The following KAZN variants were observed in gnomAD, a reference collection of about 807,000 sequenced individuals.
KAZN encodes the protein kazrin, periplakin interacting protein.
Under a neutral mutation model 87.4 loss-of-function variants are expected in KAZN, and 40 were observed. The ratio of observed to expected loss-of-function variants is 0.46; its 90% CI spans 0.36 to 0.60. The LOEUF (loss-of-function observed/expected upper bound fraction) is 0.60, where lower values mean the gene tolerates loss of function less well. KAZN is among the 20% of genes least tolerant of loss of function. The pLI is 0.00. For missense variants in KAZN, 898 were observed against 1,073.9 expected (o/e 0.84, Z 2.29); for synonymous variants, 466 against 458.3 (o/e 1.02, Z -0.22).
intron 2 of KAZN, among the ~76,000 whole-genome samples, chr1:14,593,373 A>G (rs1309242851): frequency 2.6e-5 from 4 of 152,246 alleles, no homozygotes; most frequent in African/African-American, 9.6e-5. Context: ...AGAATGGGAT[A>G]TAAACCCTGC....
chr1:14,648,593 T>C (rs1680984153), intron 1 of KAZN, among the ~76,000 whole-genome samples: 1 of 152,162 alleles, frequency 6.6e-6, no homozygotes, highest in Admixed American at 6.5e-5. Flanking sequence ...GCTTGACGTT[T>C]CTCCTTGGAG....
intron 1 of KAZN, among the ~76,000 whole-genome samples, chr1:13,997,352 G>A (rs1639572699): frequency 6.6e-6 from 1 of 152,104 alleles, no homozygotes. Context: ...CAGCAAGGGT[G>A]CAGAATGGGA....
intron 1 of KAZN, among the ~76,000 whole-genome samples, chr1:14,167,195 G>A (rs1446517187): frequency 6.6e-6 from 1 of 152,226 alleles, no homozygotes; most frequent in Non-Finnish European, 1.5e-5. Context: ...TATCGTCAAG[G>A]TCAGGGGACA....
chr1:14,828,850 A>T (rs1430210860), intron 1 of KAZN, among the ~76,000 whole-genome samples: 2 of 152,180 alleles, frequency 1.3e-5, no homozygotes, highest in African/African-American at 2.4e-5. Context: ...ATGGCTGCAG[A>T]TGCTCCAAGC....
In KAZN at chr1:14,276,682, G is replaced by C. The variant is rs575793417; in HGVS notation, c.249+96090G>C. Among the ~76,000 whole-genome samples, 3 of 152,246 alleles carry C rather than the reference G, an allele frequency of 2.0e-5. No homozygotes were observed. In the East Asian group the frequency reaches 5.8e-4, roughly 29 times the overall value. ...TAAATCTCTTTCTATAAAAACACCA[G>C]TCATCCAGTAGGATCACAGCTCACC... On this transcript the variant is annotated intron_variant, in intron 2 of 16. Transcript: ENST00000636203.
intron 1 of KAZN, among the ~76,000 whole-genome samples, chr1:14,748,602 G>A (rs1466033304): frequency 6.6e-6 from 1 of 152,212 alleles, no homozygotes; most frequent in Non-Finnish European, 1.5e-5. Context: ...ACAGTCACTG[G>A]CAAACAGCAA....
At chr1:14,969,786 T>G (rs4575078) in intron 2 of KAZN, among the ~76,000 whole-genome samples, 53,463 of 152,104 alleles carry the variant, frequency 0.35, 10,305 homozygotes, top group African/African-American at 0.52. Flanking sequence ...ACCCATGCCC[T>G]AATGCACAAG....
intron 1 of KAZN, among the ~76,000 whole-genome samples, chr1:14,683,212 C>T (rs999931117): frequency 2.6e-5 from 4 of 152,066 alleles, no homozygotes; most frequent in African/African-American, 9.7e-5. Flanking sequence ...TAAAAACAGG[C>T]GGAGTTAATT....
At chr1:14,168,337 G>A (rs1351039323) in intron 1 of KAZN, among the ~76,000 whole-genome samples, 1 of 152,234 alleles carries the variant, frequency 6.6e-6, no homozygotes, top group Non-Finnish European at 1.5e-5. Context: ...ACAAGGCATG[G>A]TTAGATCCCA....
chr1:14,922,512 G>A (rs1658634957), intron 1 of KAZN, among the ~76,000 whole-genome samples: 1 of 152,140 alleles, frequency 6.6e-6, no homozygotes, highest in Non-Finnish European at 1.5e-5. Flanking sequence ...CACTTCCCAT[G>A]CCACTCTGCC....
At chr1:14,845,352 G>A (rs1277036280) in intron 1 of KAZN, among the ~76,000 whole-genome samples, 1 of 150,076 alleles carries the variant, frequency 6.7e-6, no homozygotes, top group Non-Finnish European at 1.5e-5. Context: ...TAGGTGAAGG[G>A]ATGGATGAGT....
chr1:14,359,328 T>C (rs1312254047), intron 2 of KAZN, among the ~76,000 whole-genome samples: 1 of 152,146 alleles, frequency 6.6e-6, no homozygotes, highest in Non-Finnish European at 1.5e-5. Context: ...CCTATGTGTG[T>C]CTTTGCACAT....
At chr1:14,258,893 A>G (rs1223254929) in intron 2 of KAZN, among the ~76,000 whole-genome samples, 2 of 152,220 alleles carry the variant, frequency 1.3e-5, no homozygotes, top group Non-Finnish European at 2.9e-5. Flanking sequence ...TAAATGGTCA[A>G]CACACGTTTA....
chr1:14,137,973 T>A (rs575591995), intron 1 of KAZN, among the ~76,000 whole-genome samples: 1 of 152,302 alleles, frequency 6.6e-6, no homozygotes, highest in Non-Finnish European at 1.5e-5. Flanking sequence ...GTAATTCTCT[T>A]TTAAAGCTTT....
intron 2 of KAZN, among the ~76,000 whole-genome samples, chr1:15,014,127 C>T (rs886561683): frequency 3.3e-5 from 5 of 152,036 alleles, no homozygotes; most frequent in African/African-American, 1.2e-4. Flanking sequence ...GAAATTCTGC[C>T]CTTGGTCCTT....
At position 14,583,729 on chromosome 1, in the gene KAZN, G is replaced by T. The variant is rs906570464; in HGVS notation, c.250-15254G>T. Among the ~76,000 whole-genome samples the T allele has an allele frequency of 1.6e-4, 24 of 152,228 alleles. 1 individual carries two copies. The highest frequency in any genetic ancestry group is 5.3e-4 in the African/African-American group (22 of 41,458). The stretch of plus-strand genomic sequence containing the variant: ...TGGTCTTGGCAGGTGACCCTGAAGA[G>T]GATGGCTAGAGGAAAGCTACAGTAT... On this transcript the variant is annotated intron_variant, in intron 2 of 16. Transcript: ENST00000636203.
chr1:14,852,505 C>T (rs1376567259), intron 1 of KAZN, among the ~76,000 whole-genome samples: 1 of 152,152 alleles, frequency 6.6e-6, no homozygotes, highest in African/African-American at 2.4e-5. Context: ...CCCCTCCCCA[C>T]CTGCAGGCCC....
chr1:14,437,584 GA>G (rs1666466997), intron 2 of KAZN, among the ~76,000 whole-genome samples: 1 of 152,014 alleles, frequency 6.6e-6, no homozygotes, highest in Non-Finnish European at 1.5e-5. Flanking sequence ...TTTATTAAAA[GA>G]AAAAAAGGTG....
intron 1 of KAZN, among the ~76,000 whole-genome samples, chr1:14,779,842 C>G (rs1181366471): frequency 6.6e-6 from 1 of 152,190 alleles, no homozygotes; most frequent in Non-Finnish European, 1.5e-5. Flanking sequence ...GACACGTAAA[C>G]AAGACACAAA....
Sources: allele counts gnomAD v4.1 joint callset (sites outside exome capture counted in the v4.1 genomes callset), GRCh38; gene constraint gnomAD v4.1.1; transcripts MANE v1.5; gene names NCBI Gene and HGNC (gene_info 2026-07-23, HGNC 2026-07-21).